Variants in WDR49 observed in about 807,000 individuals in gnomAD.
The protein encoded by WDR49 is WD repeat domain 49, also known as cilia- and flagella-associated protein 337.
A neutral mutation model predicts 119.5 loss-of-function variants in WDR49; 107 were observed. The observed-to-expected ratio is 0.90, with a 90% CI of 0.77 to 1.05. WDR49 has a LOEUF of 1.05. Ranked by LOEUF, WDR49 falls within the 50% of genes least tolerant of loss-of-function variation. The pLI, the probability that WDR49 is intolerant of heterozygous loss-of-function variation, is 0.00. For missense variants in WDR49, 1,240 were observed against 1,220.5 expected (o/e 1.02, Z -0.24); for synonymous variants, 425 against 418.8 (o/e 1.01, Z -0.18).
At chr3:167,651,398 G>A (rs1446363033) in intron 2 of WDR49, among the ~76,000 whole-genome samples, 1 of 152,126 alleles carries the variant, frequency 6.6e-6, no homozygotes, top group African/African-American at 2.4e-5. Context: ...CTATACCTGT[G>A]GCCTCTGGGC....
At chr3:167,636,342 T>C (rs1717619770) in intron 2 of WDR49, among the ~76,000 whole-genome samples, 1 of 151,452 alleles carries the variant, frequency 6.6e-6, no homozygotes, top group African/African-American at 2.4e-5. Context: ...TATACGTATA[T>C]ATATGTATAT....
At chr3:167,598,427 C>G (rs1715599504) in intron 7 of WDR49, among the ~76,000 whole-genome samples, 1 of 152,074 alleles carries the variant, frequency 6.6e-6, no homozygotes, top group Admixed American at 6.5e-5. Flanking sequence ...AATTGTAATC[C>G]CCATGTGTCG....
intron 18 of WDR49, among the ~76,000 whole-genome samples, chr3:167,486,688 C>A (rs1248567771): frequency 6.6e-6 from 1 of 151,974 alleles, no homozygotes. Flanking sequence ...TTTAACTATC[C>A]TAAATAGACA....
intron 7 of WDR49, 40 bp downstream of exon 7, chr3:167,602,087 G>T: frequency 6.5e-7 from 1 of 1,543,410 alleles, no homozygotes; most frequent in Non-Finnish European, 8.8e-7. Context: ...AGGAATCGGG[G>T]AAGCAAAACT....
rs552601761 is a variant in WDR49 at position 167,546,859 on chromosome 3, T to C, written c.1823+7791A>G. ...AGAAGTTAATTGTTGTTAGTCCTAT[T>C]GTCATGTCTTGTTAATGCCTGTTCT... On this transcript the variant is annotated intron_variant, in intron 10 of 18. Coordinates refer to ENST00000682715, the MANE Select transcript of WDR49 (RefSeq NM_001366157.1). 1.2e-3 allele frequency among the ~76,000 whole-genome samples: 178 copies of C among 151,980 alleles called. 1 individual carries two copies. The highest frequency in any genetic ancestry group is 3.4e-3 in the Middle Eastern group (1 of 294).
intron 16 of WDR49, among the ~76,000 whole-genome samples, chr3:167,519,853 A>G (rs1752367994): frequency 6.6e-6 from 1 of 152,162 alleles, no homozygotes; most frequent in African/African-American, 2.4e-5. Flanking sequence ...GTTTCCAGGA[A>G]CAATAGAAAA....
intron 3 of WDR49, among the ~76,000 whole-genome samples, chr3:167,626,117 G>A (rs2108326467): frequency 6.6e-6 from 1 of 151,994 alleles, no homozygotes; most frequent in Middle Eastern, 3.4e-3. Flanking sequence ...GTGTGGTAGA[G>A]GTATTTTGGC....
Position 167,519,794 on chromosome 3 carries a change from A to G in WDR49, c.2774+2521T>C, listed in dbSNP as rs997000054. Among the ~76,000 whole-genome samples the G allele has an allele frequency of 1.1e-4, 17 of 152,116 alleles. 1 individual carries two copies. The highest frequency in any genetic ancestry group is 1.1e-3 in the Admixed American group (17 of 15,262). On this transcript the variant is annotated intron_variant, in intron 16 of 18. Coordinates refer to ENST00000682715, the MANE Select transcript of WDR49 (RefSeq NM_001366157.1). ...CTACACATGTACCCCAGAAATTAAA[A>G]TAAATTTTAAAAAACCCTATATATC...
chr3:167,536,544 G>A (rs890239954), intron 11 of WDR49, among the ~76,000 whole-genome samples: 1 of 151,552 alleles, frequency 6.6e-6, no homozygotes, highest in Non-Finnish European at 1.5e-5. Flanking sequence ...GCCAGGCATG[G>A]TGGGGCGTGC....
intron 8 of WDR49, chr3:167,575,269 G>T (rs970923719): frequency 1.0e-6 from 1 of 985,780 alleles, no homozygotes; most frequent in Non-Finnish European, 1.2e-6. Context: ...TGCCTGGGCC[G>T]CCCTGTCCTC....
Position 167,570,423 on chromosome 3 carries a change from A to G in WDR49, c.1509+5495T>C, listed in dbSNP as rs191865358. On this transcript the variant is annotated intron_variant, in intron 8 of 18. Transcript: ENST00000682715. ...AAAAGAGGACAAAAGATATGCTATC[A>G]AGAGAAAATTATACCTCATCCCTCA... 7.4e-4 allele frequency among the ~76,000 whole-genome samples: 112 copies of G among 152,354 alleles called. 1 individual carries two copies. The highest frequency in any genetic ancestry group is 2.5e-3 in the African/African-American group (102 of 41,590).
At chr3:167,508,513 T>C (rs1751854528) in intron 16 of WDR49, among the ~76,000 whole-genome samples, 1 of 152,156 alleles carries the variant, frequency 6.6e-6, no homozygotes, top group Admixed American at 6.5e-5. Flanking sequence ...TGAAATATAA[T>C]CAGGGCTCAG....
chr3:167,574,495 A>G (rs887861370), intron 8 of WDR49, among the ~76,000 whole-genome samples: 3 of 152,232 alleles, frequency 2.0e-5, no homozygotes, highest in East Asian at 1.9e-4. Context: ...ATACATATCA[A>G]TGCTTATCAT....
chr3:167,608,670 C>T (rs890542804), intron 5 of WDR49, among the ~76,000 whole-genome samples: 2 of 152,016 alleles, frequency 1.3e-5, no homozygotes, highest in Admixed American at 6.6e-5. Context: ...ATGTTTTTCT[C>T]ATTTCTTGAA....
intron 2 of WDR49, among the ~76,000 whole-genome samples, chr3:167,649,778 T>C (rs1241431438): frequency 3.3e-5 from 5 of 152,194 alleles, no homozygotes; most frequent in Non-Finnish European, 7.3e-5. Context: ...CCTCACATTT[T>C]ACATGTGGCT....
chr3:167,522,619 T>C, intron 15 of WDR49, 135 bp from the exon 16 acceptor site: 3 of 774,318 alleles, frequency 3.9e-6, no homozygotes, highest in Non-Finnish European at 5.8e-6. Context: ...AAGATATGAC[T>C]CCGGTCCACA....
intron 18 of WDR49, among the ~76,000 whole-genome samples, chr3:167,492,823 C>T (rs551704923): frequency 6.6e-6 from 1 of 151,832 alleles, no homozygotes; most frequent in African/African-American, 2.4e-5. Flanking sequence ...AATTCCCACC[C>T]CCACCCCAAA....
In WDR49 at chr3:167,576,151, C is replaced by T. The variant is rs770321141; in HGVS notation, c.1276G>A (p.Val426Ile). ...TGTTGAATATCCCAGAGTCTCAAAACCTGGATGAAAAGTGATAAAATCATT... is the reference window on the plus strand; with the variant it reads ...TGTTGAATATCCCAGAGTCTCAAAATCTGGATGAAAAGTGATAAAATCATT... Reference protein sequence around the residue: ...KQLFSFSKDKVLRLWDIQHQL... With the variant: ...KQLFSFSKDKILRLWDIQHQL... Residue 426 changes from valine to isoleucine, a missense_variant and splice_region_variant, in exon 8 of 19, where the codon GTT becomes ATT. Transcript: ENST00000682715. 1.9e-6 allele frequency: 3 copies of T among 1,612,260 alleles called. No homozygotes were observed. The highest frequency in any genetic ancestry group is 1.7e-5 in the Admixed American group (1 of 59,814).
chr3:167,531,062 T>G, intron 13 of WDR49, 53 bp downstream of exon 13: 1 of 1,561,834 alleles, frequency 6.4e-7, no homozygotes, highest in Non-Finnish European at 8.7e-7. Context: ...TAGATTGGAT[T>G]TTCTTTATTG....
Sources: allele counts gnomAD v4.1 joint callset (sites outside exome capture counted in the v4.1 genomes callset), GRCh38; gene constraint gnomAD v4.1.1; transcripts MANE v1.5; gene names NCBI Gene and HGNC (gene_info 2026-07-23, HGNC 2026-07-21).